Variants in MAGI3 observed in about 807,000 individuals in gnomAD.
The protein encoded by MAGI3 is membrane associated guanylate kinase, WW and PDZ domain containing 3, also known as membrane-associated guanylate kinase, WW and PDZ domain-containing protein 3.
In MAGI3, 43 loss-of-function variants were observed where a neutral mutation model predicts 121.8. The ratio of observed to expected loss-of-function variants is 0.35; its 90% CI spans 0.28 to 0.46. The LOEUF (loss-of-function observed/expected upper bound fraction) is 0.46. Among genes scored for constraint, MAGI3 ranks in the 20% least tolerant of loss-of-function variants. MAGI3 has a pLI of 1.00. For synonymous variants in MAGI3, 553 were observed against 639.3 expected (o/e 0.86, Z 2.04); for missense variants, 1,547 against 1,797.3 (o/e 0.86, Z 2.52).
chr1:113,448,353 C>A (rs981422263), intron 1 of MAGI3, among the ~76,000 whole-genome samples: 1 of 152,122 alleles, frequency 6.6e-6, no homozygotes, highest in Non-Finnish European at 1.5e-5. Flanking sequence ...AATAAAGATC[C>A]TTTCTTCACT....
intron 9 of MAGI3, among the ~76,000 whole-genome samples, chr1:113,638,228 C>G (rs1197551189): frequency 6.6e-6 from 1 of 152,258 alleles, no homozygotes; most frequent in Non-Finnish European, 1.5e-5. Context: ...CTTCTCTCAA[C>G]TCGTCAAAGT....
intron 6 of MAGI3, among the ~76,000 whole-genome samples, chr1:113,602,430 C>G (rs1310263678): frequency 1.3e-5 from 2 of 152,032 alleles, no homozygotes; most frequent in Non-Finnish European, 2.9e-5. Flanking sequence ...ATAATAGTGA[C>G]ATAAGTTATC....
In MAGI3 at chr1:113,649,193, T is replaced by C. The variant is rs541279231; in HGVS notation, c.2156-44T>C. Reference sequence around the variant, plus strand: ...ACTGAACTTTGTTTTGTTTTAATCCTTTTAAAATAAATCATAGTATTTATA... The same window carrying C: ...ACTGAACTTTGTTTTGTTTTAATCCCTTTAAAATAAATCATAGTATTTATA... On this transcript the variant is annotated intron_variant, in intron 12 of 20. Transcript: ENST00000307546. 6.9e-5 allele frequency: 100 copies of C among 1,454,310 alleles called. 1 individual carries two copies. In the East Asian group the frequency reaches 2.2e-3, roughly 31 times the overall value. The allele number at this position is 1,454,310 out of a possible 1,614,324, so 90.1% of individuals were successfully genotyped here.
At chr1:113,585,317 A>G (rs1648295718) in intron 3 of MAGI3, 70 bp from the exon 4 acceptor site, 2 of 1,412,576 alleles carry the variant, frequency 1.4e-6, no homozygotes, top group Non-Finnish European at 2.0e-6. Flanking sequence ...GCAGAGACAT[A>G]CACTAGGTCA....
At chr1:113,604,295 G>T (rs1192664879) in intron 6 of MAGI3, among the ~76,000 whole-genome samples, 1 of 152,004 alleles carries the variant, frequency 6.6e-6, no homozygotes, top group Non-Finnish European at 1.5e-5. Context: ...ATTGCCAGGT[G>T]CATTGGCTCA....
intron 8 of MAGI3, among the ~76,000 whole-genome samples, chr1:113,620,796 C>T (rs574937287): frequency 6.6e-6 from 1 of 152,250 alleles, no homozygotes; most frequent in South Asian, 2.1e-4. Context: ...AGGTTTGAAT[C>T]CCAGCTGTGT....
chr1:113,683,120 G>A lies in MAGI3; in HGVS notation c.3552G>A (p.Gln1184=), dbSNP rs551356730. The part of the protein sequence containing the change: ...LNENQPEIKH[Q]SLLQKNVSKR... ...AAAATCAGCCTGAGATAAAGCATCA[G>A]TCTCTTCTCCAGAAAAATGTGAGTA... is the stretch of plus-strand genomic sequence containing the variant. Residue 1184 remains glutamine, a synonymous_variant, in exon 21 of 21, where the codon CAG becomes CAA. Coordinates refer to ENST00000307546, the MANE Select transcript of MAGI3 (RefSeq NM_001142782.2). 25 of 1,613,282 alleles carry A rather than the reference G, an allele frequency of 1.5e-5. No individual in the cohort carries two copies. The highest frequency in any genetic ancestry group is 4.0e-5 in the African/African-American group (3 of 74,968).
At chr1:113,529,221 T>C (rs527866762) in intron 1 of MAGI3, among the ~76,000 whole-genome samples, 8 of 152,368 alleles carry the variant, frequency 5.3e-5, no homozygotes, top group Admixed American at 2.6e-4. Flanking sequence ...TGTTGTGATA[T>C]AACTGTGTAA....
chr1:113,536,832 T>C (rs1320234490), intron 1 of MAGI3, among the ~76,000 whole-genome samples: 2 of 152,194 alleles, frequency 1.3e-5, no homozygotes, highest in Non-Finnish European at 2.9e-5. Context: ...AAACTCTTCA[T>C]ATATATGGGT....
chr1:113,434,705 C>T (rs1439887787), intron 1 of MAGI3, among the ~76,000 whole-genome samples: 1 of 152,126 alleles, frequency 6.6e-6, no homozygotes, highest in Non-Finnish European at 1.5e-5. Flanking sequence ...TGTTTGAAGA[C>T]AAGGATCAGT....
At chr1:113,401,968 G>C (rs1651431969) in intron 1 of MAGI3, among the ~76,000 whole-genome samples, 1 of 151,982 alleles carries the variant, frequency 6.6e-6, no homozygotes, top group Non-Finnish European at 1.5e-5. Context: ...TTTCTCTCTG[G>C]GCTAAAGTCA....
At chr1:113,646,002 C>A (rs1557872155) in intron 11 of MAGI3, among the ~76,000 whole-genome samples, 1 of 152,084 alleles carries the variant, frequency 6.6e-6, no homozygotes, top group Admixed American at 6.5e-5. Flanking sequence ...ATCTTTATAA[C>A]CTAAATTAGA....
chr1:113,596,112 A>C (rs954504726), intron 6 of MAGI3, among the ~76,000 whole-genome samples: 1 of 152,160 alleles, frequency 6.6e-6, no homozygotes, highest in Non-Finnish European at 1.5e-5. Flanking sequence ...TAAAAAAAAA[A>C]AGACAAAGTT....
intron 1 of MAGI3, among the ~76,000 whole-genome samples, chr1:113,534,945 T>C (rs538254063): frequency 6.6e-6 from 1 of 152,272 alleles, no homozygotes; most frequent in Middle Eastern, 3.4e-3. Context: ...CACCATATGG[T>C]ATTCAGTCAC....
intron 1 of MAGI3, among the ~76,000 whole-genome samples, chr1:113,491,731 T>C (rs1656677248): frequency 6.6e-6 from 1 of 152,126 alleles, no homozygotes; most frequent in Non-Finnish European, 1.5e-5. Context: ...CAGAGAATAT[T>C]ATGAACACCT....
chr1:113,670,110 T>A, intron 16 of MAGI3, among the ~76,000 whole-genome samples: 1 of 151,594 alleles, frequency 6.6e-6, no homozygotes, highest in East Asian at 1.9e-4. Context: ...TAAGTTCTGG[T>A]CCAGAGGTTG....
chr1:113,476,730 T>G (rs1655840227), intron 1 of MAGI3, among the ~76,000 whole-genome samples: 1 of 152,232 alleles, frequency 6.6e-6, no homozygotes. Context: ...TGTAGATGTC[T>G]ATTAGGTCTG....
At chr1:113,515,809 T>G (rs1282913065) in intron 1 of MAGI3, among the ~76,000 whole-genome samples, 1 of 152,098 alleles carries the variant, frequency 6.6e-6, no homozygotes, top group African/African-American at 2.4e-5. Flanking sequence ...AGACAGTATA[T>G]GTAGTGACTG....
At chr1:113,481,641 A>G (rs1656120141) in intron 1 of MAGI3, among the ~76,000 whole-genome samples, 1 of 152,170 alleles carries the variant, frequency 6.6e-6, no homozygotes, top group Non-Finnish European at 1.5e-5. Flanking sequence ...AAATCTTGTA[A>G]CCCAAATTGC....
Sources: gnomAD v4.1 joint callset for allele counts (sites outside exome capture counted in the v4.1 genomes callset) on GRCh38, gnomAD v4.1.1 for gene constraint, MANE v1.5 for transcripts, NCBI Gene and HGNC (gene_info 2026-07-23, HGNC 2026-07-21) for gene names.